The following EPB41 variants were observed in gnomAD, a reference collection of about 807,000 sequenced individuals.
The protein encoded by EPB41 is erythrocyte membrane protein band 4.1.
EPB41 carries 65 observed loss-of-function variants against 108.0 expected under a neutral mutation model. The ratio of observed to expected loss-of-function variants is 0.60; its 90% CI spans 0.49 to 0.74. The LOEUF is 0.74. EPB41 is among the 30% of genes least tolerant of loss of function. The pLI, the probability that EPB41 is intolerant of heterozygous loss-of-function variation, is 0.00. For missense variants in EPB41, 875 were observed against 1,037.0 expected (o/e 0.84, Z 2.15); for synonymous variants, 336 against 358.9 (o/e 0.94, Z 0.72).
intron 14 of EPB41, 51 bp downstream of exon 14, chr1:29,058,903 G>GACT: frequency 7.1e-7 from 1 of 1,409,136 alleles, no homozygotes; most frequent in Non-Finnish European, 9.8e-7. Context: ...CACCCATGCT[G>GACT]ACTTACAGTG....
chr1:29,039,392 A>G lies in EPB41; in HGVS notation c.1602A>G (p.Thr534=). 1 of 1,614,182 alleles carries G rather than the reference A, an allele frequency of 6.2e-7. No homozygotes were observed. The highest frequency in any genetic ancestry group is 1.1e-5 in the South Asian group (1 of 91,076). ...IDRPAPHFER[T]ASKRASRSLD... is the part of the protein sequence containing the mutation. ...GGCCTGCCCCACACTTCGAGCGTAC[A>G]GCAAGTAAACGGGCGTCCCGGAGCC... The change falls in exon 11 of 21, where the codon ACA becomes ACG. Residue 534 remains threonine (T), a synonymous_variant. Coordinates refer to ENST00000343067, the MANE Select transcript of EPB41 (RefSeq NM_001376013.1).
intron 11 of EPB41, among the ~76,000 whole-genome samples, chr1:29,041,044 G>A (rs1641305888): frequency 6.6e-6 from 1 of 151,632 alleles, no homozygotes; most frequent in South Asian, 2.1e-4. Context: ...GCTGAGGCAT[G>A]AGAATCGCTT....
At chr1:28,948,447 T>TCGAGAG (rs1456845819) in intron 1 of EPB41, among the ~76,000 whole-genome samples, 8 of 146,528 alleles carry the variant, frequency 5.5e-5, no homozygotes, top group African/African-American at 1.3e-4. Flanking sequence ...AGGCAGAGCT[T>TCGAGAG]GCAGTGAGCC....
chr1:28,989,162 G>A (rs1471478722), intron 2 of EPB41, among the ~76,000 whole-genome samples: 1 of 152,198 alleles, frequency 6.6e-6, no homozygotes, highest in Non-Finnish European at 1.5e-5. Context: ...AGAGCATATT[G>A]CCACAGAGTG....
At chr1:29,038,217 G>A (rs999739498) in intron 10 of EPB41, among the ~76,000 whole-genome samples, 1 of 152,096 alleles carries the variant, frequency 6.6e-6, no homozygotes, top group African/African-American at 2.4e-5. Flanking sequence ...CCCAATTAAA[G>A]AATCTTAATT....
chr1:29,065,638 A>G (rs902890555), intron 16 of EPB41: 1 of 152,500 alleles, frequency 6.6e-6, no homozygotes, highest in African/African-American at 2.4e-5. Flanking sequence ...CCCCTAAGCC[A>G]GAGAATTCAG....
chr1:29,026,581 A>G (rs1277208857), intron 7 of EPB41, among the ~76,000 whole-genome samples: 1 of 152,236 alleles, frequency 6.6e-6, no homozygotes, highest in Non-Finnish European at 1.5e-5. Context: ...GATATACTGC[A>G]TTGAATAAAA....
chr1:28,929,768 A>T (rs2093639093), intron 1 of EPB41, among the ~76,000 whole-genome samples: 2 of 135,080 alleles, frequency 1.5e-5, no homozygotes, highest in Non-Finnish European at 3.1e-5. Flanking sequence ...TCCTGACCTC[A>T]GATGATCTGC....
rs1228832814 is a variant in EPB41 at position 28,887,185 on chromosome 1, C to T, written c.-33C>T. Reference sequence around the variant, plus strand: ...CGGCGCGGAGCCAGAACGCGGTCGGCCCGGTCCCCGCCGCACCCAGCCCAG... The same window carrying T: ...CGGCGCGGAGCCAGAACGCGGTCGGTCCGGTCCCCGCCGCACCCAGCCCAG... On this transcript the variant is annotated 5_prime_UTR_variant, in exon 1 of 17. Coordinates refer to the EPB41 transcript ENST00000347529. The surrounding 1 kb of genome is among the most constrained non-coding windows in gnomAD (Gnocchi z 4.9). 1.6e-6 allele frequency: 2 copies of T among 1,250,856 alleles called. No individual in the cohort carries two copies. Among genetic ancestry groups the T allele is most frequent in the Non-Finnish European group, 2.1e-6 (2 of 954,730 alleles). The allele number at this position is 1,250,856 out of a possible 1,614,324, so 77.5% of individuals were successfully genotyped here. A position where few individuals can be genotyped will look rare whatever the true frequency, so the allele number is the denominator to read the frequency against.
intron 1 of EPB41, among the ~76,000 whole-genome samples, chr1:28,906,744 G>A (rs965244535): frequency 1.3e-5 from 2 of 151,950 alleles, no homozygotes; most frequent in African/African-American, 4.8e-5. Context: ...TTTAAGCTGC[G>A]ATGTTAGGCA....
intron 1 of EPB41, among the ~76,000 whole-genome samples, chr1:28,956,105 A>T (rs927207667): frequency 2.0e-5 from 3 of 152,222 alleles, no homozygotes; most frequent in African/African-American, 7.2e-5. Context: ...CAGTGCTGTG[A>T]GTCAGTTGCA....
chr1:28,918,153 T>C (rs539524063), intron 1 of EPB41, among the ~76,000 whole-genome samples: 6 of 151,968 alleles, frequency 3.9e-5, no homozygotes, highest in African/African-American at 1.4e-4. Context: ...TTTGTTTTTC[T>C]TGTCTTTTCT....
intron 1 of EPB41, among the ~76,000 whole-genome samples, chr1:28,947,408 GACAAACAAACAAACAAACAA>G (rs61120635): frequency 8.0e-5 from 12 of 149,626 alleles, no homozygotes; most frequent in African/African-American, 1.2e-4. Flanking sequence ...CTCCGTCTCA[GACAAACAAACAAACAAACAA>G]ACAAACAAAC....
chr1:29,058,247 T>A (rs758564178), intron 12 of EPB41, among the ~76,000 whole-genome samples: 2 of 152,246 alleles, frequency 1.3e-5, no homozygotes, highest in Non-Finnish European at 2.9e-5. Context: ...AAACATGGGC[T>A]ATTGCATTAA....
upstream of EPB41, among the ~76,000 whole-genome samples, chr1:28,911,763 C>G (rs1405537434): frequency 6.6e-6 from 1 of 152,138 alleles, no homozygotes; most frequent in African/African-American, 2.4e-5. Flanking sequence ...ACAGGTGTGG[C>G]CAGGCATGGT....
At chr1:29,005,102 G>A (rs947781164) in intron 4 of EPB41, among the ~76,000 whole-genome samples, 9 of 152,114 alleles carry the variant, frequency 5.9e-5, no homozygotes, top group African/African-American at 2.2e-4. Context: ...AAGAAAGGAG[G>A]TTTAATTGGC....
chr1:28,948,466 G>A (rs187465345), intron 1 of EPB41, among the ~76,000 whole-genome samples: 3 of 143,858 alleles, frequency 2.1e-5, no homozygotes, highest in Admixed American at 1.4e-4. Context: ...CCGAGATCGC[G>A]CCAGTGCACT....
At chr1:28,987,341 A>G (rs2095891295) in intron 1 of EPB41, 90 bp from the exon 2 acceptor site, 2 of 1,062,792 alleles carry the variant, frequency 1.9e-6, no homozygotes, top group Admixed American at 3.8e-5. Context: ...TTAAATACCT[A>G]AGTATATTAA....
At chr1:28,971,803 G>A (rs12047323) in intron 1 of EPB41, among the ~76,000 whole-genome samples, 19,321 of 152,064 alleles carry the variant, frequency 0.13, 1,514 homozygotes, top group East Asian at 0.38. Context: ...AATCAATAAC[G>A]ACTCAATTAT....
Sources: allele counts gnomAD v4.1 joint callset (sites outside exome capture counted in the v4.1 genomes callset), GRCh38; gene constraint gnomAD v4.1.1; non-coding constraint Gnocchi (gnomAD v3.1); transcripts MANE v1.5; gene names NCBI Gene and HGNC (gene_info 2026-07-23, HGNC 2026-07-21).